The following C4orf51 variants were observed in gnomAD, a reference collection of about 807,000 sequenced individuals.
C4orf51 encodes the protein chromosome 4 open reading frame 51, also known as uncharacterized protein C4orf51.
C4orf51 carries 25 observed loss-of-function variants against 25.2 expected under a neutral mutation model. The ratio of observed to expected loss-of-function variants is 0.99; its 90% CI spans 0.72 to 1.39. The LOEUF (loss-of-function observed/expected upper bound fraction) is 1.39, where lower values mean the gene tolerates loss of function less well. Ranked by LOEUF, C4orf51 falls within the 40% of genes most tolerant of loss-of-function variation. C4orf51 has a pLI of 0.00. For synonymous variants in C4orf51, 100 were observed against 84.5 expected (o/e 1.18, Z -1.01); for missense variants, 252 against 239.6 (o/e 1.05, Z -0.34).
chr4:145,694,772 T>C (rs1313456461), intron 1 of C4orf51, among the ~76,000 whole-genome samples: 2 of 151,748 alleles, frequency 1.3e-5, no homozygotes, highest in South Asian at 2.1e-4. Flanking sequence ...TTTTCAGAAA[T>C]GAACATAATT....
At chr4:145,737,144 T>G (rs1223643343), downstream of C4orf51, among the ~76,000 whole-genome samples, 2 of 152,142 alleles carry the variant, frequency 1.3e-5, no homozygotes, top group Non-Finnish European at 2.9e-5. Flanking sequence ...TCAACCCTTC[T>G]TAGACCCAAT....
rs1038855088 is a variant in C4orf51, at chr4:145,691,744, C to T, written c.234-4815C>T. ...GAGCTAAACAGTGGGTACACATGGA[C>T]ATAAAAATGGAACAGTAGACACTGA... On this transcript the variant is annotated intron_variant, in intron 1 of 5. Transcript: ENST00000438731. Among the ~76,000 whole-genome samples the T allele has an allele frequency of 3.9e-5, 6 of 151,944 alleles. 1 individual carries two copies. Among genetic ancestry groups the T allele is most frequent in the African/African-American group, 1.2e-4 (5 of 41,354 alleles).
chr4:145,691,998 T>TGCACA, intron 1 of C4orf51, among the ~76,000 whole-genome samples: 1 of 152,226 alleles, frequency 6.6e-6, no homozygotes, highest in African/African-American at 2.4e-5. Flanking sequence ...TAAGTTGATA[T>TGCACA]TGCTCTTTAG....
At chr4:145,768,864 A>C (rs1735745162) in intron 1 of C4orf51, among the ~76,000 whole-genome samples, 1 of 17,290 alleles carries the variant, frequency 5.8e-5, no homozygotes, top group Non-Finnish European at 1.2e-4. Flanking sequence ...GTCTCAAAAA[A>C]AAAAAAAAAA....
At chr4:145,749,975 G>A (rs1733584797) in intron 1 of C4orf51, among the ~76,000 whole-genome samples, 1 of 152,054 alleles carries the variant, frequency 6.6e-6, no homozygotes, top group Admixed American at 6.6e-5. Flanking sequence ...AACACTGTTA[G>A]CCTAAAAAAT....
Position 145,761,345 on chromosome 4 carries a change from C to T in C4orf51, n.167-9643C>T. The T allele has an allele frequency of 2.3e-6, 3 of 1,289,970 alleles. No individual in the cohort carries two copies. The highest frequency in any genetic ancestry group is 3.0e-6 in the Non-Finnish European group (3 of 988,888). The allele number at this position is 1,289,970 out of a possible 1,614,324, so 79.9% of individuals were successfully genotyped here. On this transcript the variant is annotated intron_variant and non_coding_transcript_variant, in intron 1 of 1. Transcript: ENST00000510096. The surrounding 1 kb of genome is among the most constrained non-coding windows in gnomAD (Gnocchi z 6.8). ...CGCTTGCAGCTGTAGCTGCACTGGT[C>T]ACAGTGGAAGGGCCGCTCCCCGGTG...
chr4:145,785,336 G>T, the C4orf51 span, among the ~76,000 whole-genome samples: 5 of 152,312 alleles, frequency 3.3e-5, no homozygotes, highest in African/African-American at 9.6e-5. Context: ...GTCCTGGGAA[G>T]ATGAAACCCA....
chr4:145,695,702 A>G (rs6836328), intron 1 of C4orf51, among the ~76,000 whole-genome samples: 86,155 of 152,054 alleles, frequency 0.57, 24,677 homozygotes, highest in Admixed American at 0.66. Flanking sequence ...CCATAGAGAC[A>G]CATGCATGCA....
chr4:145,764,600 A>G (rs1735001435), intron 1 of C4orf51: 1 of 217,692 alleles, frequency 4.6e-6, no homozygotes. Flanking sequence ...GTAGCAAGCC[A>G]TCGGAAAAAC....
At chr4:145,681,501 T>C (rs6829906) in intron 1 of C4orf51, among the ~76,000 whole-genome samples, 19,103 of 152,226 alleles carry the variant, frequency 0.13, 1,987 homozygotes, top group African/African-American at 0.28. Flanking sequence ...GCTTTGGACA[T>C]CCCTTTGCTA....
chr4:145,716,362 C>A (rs1009425544), intron 2 of C4orf51, among the ~76,000 whole-genome samples: 1 of 152,118 alleles, frequency 6.6e-6, no homozygotes. Flanking sequence ...TTCTCCACTT[C>A]AGCCTGGAAG....
At chr4:145,769,114 T>A (rs947459770) in intron 1 of C4orf51, among the ~76,000 whole-genome samples, 2 of 151,712 alleles carry the variant, frequency 1.3e-5, no homozygotes, top group Non-Finnish European at 2.9e-5. Context: ...CTGTCAGAAC[T>A]GCACTTAGGG....
At chr4:145,688,435 A>T (rs1433606355) in intron 1 of C4orf51, among the ~76,000 whole-genome samples, 1 of 152,156 alleles carries the variant, frequency 6.6e-6, no homozygotes, top group East Asian at 1.9e-4. Context: ...TCACATGTCA[A>T]GGGAAGGTCC....
intron 2 of C4orf51, among the ~76,000 whole-genome samples, chr4:145,705,557 G>C (rs568940932): frequency 1.3e-5 from 2 of 152,276 alleles, no homozygotes; most frequent in South Asian, 4.2e-4. Flanking sequence ...GGGAGGGGTG[G>C]TAGTGATTGT....
chr4:145,737,879 C>G (rs1732886770), intron 1 of C4orf51, among the ~76,000 whole-genome samples: 1 of 152,034 alleles, frequency 6.6e-6, no homozygotes, highest in Non-Finnish European at 1.5e-5. Flanking sequence ...AAAGTTTATC[C>G]TGCTTGGTAA....
At chr4:145,750,813 A>G (rs896311927) in intron 1 of C4orf51, among the ~76,000 whole-genome samples, 12 of 152,052 alleles carry the variant, frequency 7.9e-5, no homozygotes. Flanking sequence ...TAGATCTTGT[A>G]GGAATGTTTA....
intron 1 of C4orf51, chr4:145,760,788 C>T: frequency 8.6e-7 from 1 of 1,167,614 alleles, no homozygotes; most frequent in South Asian, 1.7e-5. Flanking sequence ...CTCAGACAGT[C>T]TCTGCTCTTT....
chr4:145,729,623 CT>C (rs1352663685), intron 4 of C4orf51, among the ~76,000 whole-genome samples: 19 of 152,048 alleles, frequency 1.2e-4, no homozygotes, highest in Admixed American at 1.2e-3. Flanking sequence ...ATTTTCATAC[CT>C]TTTGCATTTC....
At chr4:145,737,090 A>G (rs1330712496), downstream of C4orf51, among the ~76,000 whole-genome samples, 2 of 151,982 alleles carry the variant, frequency 1.3e-5, no homozygotes, top group Non-Finnish European at 2.9e-5. Flanking sequence ...TCAACTTGGT[A>G]GGCAGAGTTA....
Sources: allele counts gnomAD v4.1 joint callset (sites outside exome capture counted in the v4.1 genomes callset), GRCh38; gene constraint gnomAD v4.1.1; non-coding constraint Gnocchi (gnomAD v3.1); transcripts MANE v1.5; gene names NCBI Gene and HGNC (gene_info 2026-07-23, HGNC 2026-07-21).